LPP: variants seen among roughly 807,000 people sequenced by gnomAD.
The protein encoded by LPP is lipoma-preferred partner.
LPP carries 38 observed loss-of-function variants against 60.4 expected under a neutral mutation model. That is an observed-to-expected ratio of 0.63 (90% CI 0.49 to 0.83). The LOEUF is 0.83. Ranked by LOEUF, LPP falls within the 40% of genes least tolerant of loss-of-function variation. The probability of loss-of-function intolerance (pLI) is 0.00; values close to 1 mark genes in which losing one functional copy is unlikely to be tolerated. For synonymous variants in LPP, 328 were observed against 290.8 expected (o/e 1.13, Z -1.30); for missense variants, 902 against 783.6 (o/e 1.15, Z -1.80).
At chr3:188,652,543 C>CA (rs147103958) in intron 7 of LPP, among the ~76,000 whole-genome samples, 3,139 of 151,040 alleles carry the variant, frequency 0.021, 85 homozygotes, top group African/African-American at 0.066. Context: ...CTGTAAAATG[C>CA]AAAAAAAACC....
intron 7 of LPP, among the ~76,000 whole-genome samples, chr3:188,670,821 G>T (rs1856809509): frequency 6.6e-6 from 1 of 152,110 alleles, no homozygotes; most frequent in Non-Finnish European, 1.5e-5. Context: ...GATTCCAAAT[G>T]GTCACATCTT....
At chr3:188,670,789 C>T (rs1025058379) in intron 7 of LPP, among the ~76,000 whole-genome samples, 3 of 152,140 alleles carry the variant, frequency 2.0e-5, no homozygotes, top group Admixed American at 1.3e-4. Context: ...GGAAGGATGA[C>T]GGGAACAAAC....
intron 11 of LPP, among the ~76,000 whole-genome samples, chr3:188,873,238 G>A (rs904650613): frequency 6.6e-6 from 1 of 152,132 alleles, no homozygotes; most frequent in African/African-American, 2.4e-5. Context: ...TTTCAGTAAA[G>A]CCAAACTTCC....
At chr3:188,707,917 C>T (rs769327706) in intron 7 of LPP, among the ~76,000 whole-genome samples, 25 of 152,212 alleles carry the variant, frequency 1.6e-4, no homozygotes, top group African/African-American at 5.8e-4. Flanking sequence ...CTGTATCTCT[C>T]ACTTCACTGT....
At chr3:188,821,317 G>A (rs1448720726) in intron 9 of LPP, among the ~76,000 whole-genome samples, 1 of 148,128 alleles carries the variant, frequency 6.8e-6, no homozygotes, top group Non-Finnish European at 1.5e-5. Context: ...TACCCAGGCA[G>A]CATCCTAGAT....
intron 1 of LPP, among the ~76,000 whole-genome samples, chr3:188,168,484 TTGTAAA>T (rs1720666527): frequency 2.0e-5 from 3 of 152,186 alleles, no homozygotes; most frequent in African/African-American, 4.8e-5. Flanking sequence ...GGTTCTTCAG[TTGTAAA>T]TATAATTCCT....
intron 3 of LPP, among the ~76,000 whole-genome samples, chr3:188,404,340 G>A (rs1375773687): frequency 1.3e-5 from 2 of 152,228 alleles, no homozygotes; most frequent in East Asian, 3.9e-4. Context: ...AATCTCCCAG[G>A]CTCAAGTGAT....
rs10579787 is a variant in LPP at position 188,252,031 on chromosome 3, GATATATATATATAT to G, written c.-67+26536_-67+26549del. 8.1e-3 allele frequency among the ~76,000 whole-genome samples: 336 copies of G among 41,418 alleles called. 3 individuals are homozygous for G. The highest frequency in any genetic ancestry group is 0.038 in the South Asian group (35 of 918). The allele number at this position is 41,418 out of a possible 152,430, so 27.2% of individuals were successfully genotyped here. ...CTTTCTGGTATTTCTTTTTAATCCTGATATATATATATATATATATATATATATATATATATATA... is the reference window on the plus strand; with the variant it reads ...CTTTCTGGTATTTCTTTTTAATCCTGATATATATATATATATATATATATA... On this transcript the variant is annotated intron_variant, in intron 2 of 11. Transcript: ENST00000617246.
At chr3:188,692,169 T>G (rs1484047421) in intron 7 of LPP, among the ~76,000 whole-genome samples, 4 of 152,274 alleles carry the variant, frequency 2.6e-5, no homozygotes, top group Non-Finnish European at 5.9e-5. Context: ...TGATCCTCAT[T>G]TTCTTCAGCC....
chr3:188,406,405 A>T lies in LPP; in HGVS notation c.193+92A>T. On this transcript the variant is annotated intron_variant, in intron 4 of 11. Transcript: ENST00000617246. The stretch of plus-strand genomic sequence containing the variant: ...GTACAAAGTTGTGTCAGAAAAACGT[A>T]GTTTGTGAATTCACAGCGTGGGTGT... 3.2e-6 allele frequency: 4 copies of T among 1,234,574 alleles called. No individual in the cohort carries two copies. The South Asian group carries it at 5.7e-5, about 17-fold the overall frequency. The allele number at this position is 1,234,574 out of a possible 1,614,324, so 76.5% of individuals were successfully genotyped here. A position where few individuals can be genotyped will look rare whatever the true frequency, so the allele number is the denominator to read the frequency against.
intron 8 of LPP, among the ~76,000 whole-genome samples, chr3:188,728,069 C>T (rs1178480820): frequency 6.6e-6 from 1 of 152,042 alleles, no homozygotes; most frequent in African/African-American, 2.4e-5. Flanking sequence ...CTCAGAATCA[C>T]CTGGGGGAGC....
chr3:188,440,576 T>G (rs774629075), intron 4 of LPP, among the ~76,000 whole-genome samples: 2 of 152,174 alleles, frequency 1.3e-5, no homozygotes, highest in Non-Finnish European at 2.9e-5. Context: ...TCTTGCATGC[T>G]TGCTGACAAA....
intron 6 of LPP, among the ~76,000 whole-genome samples, chr3:188,592,557 G>GTTTTTTGTTTTTTTTTTTTTTTTT (rs1553936333): frequency 1.2e-5 from 1 of 85,756 alleles, no homozygotes; most frequent in African/African-American, 4.5e-5. Flanking sequence ...TTTTGTTTTT[G>GTTTTTTGTTTTTTTTTTTTTTTTT]TTTTTTAAAT....
intron 9 of LPP, among the ~76,000 whole-genome samples, chr3:188,819,248 C>T (rs1277199514): frequency 6.6e-6 from 1 of 152,012 alleles, no homozygotes. Flanking sequence ...CTATCGATCC[C>T]ATCATCCACA....
chr3:188,157,115 A>G (rs779970877), intron 1 of LPP, among the ~76,000 whole-genome samples: 4 of 152,192 alleles, frequency 2.6e-5, no homozygotes, highest in Non-Finnish European at 5.9e-5. Flanking sequence ...CACATCTTAT[A>G]GTTGATGGCT....
intron 9 of LPP, among the ~76,000 whole-genome samples, chr3:188,769,384 A>G (rs554238800): frequency 6.6e-6 from 1 of 152,244 alleles, no homozygotes; most frequent in African/African-American, 2.4e-5. Context: ...TGCTCATCTT[A>G]GTTACTGCTC....
chr3:188,649,853 C>T (rs1851756447), intron 7 of LPP, among the ~76,000 whole-genome samples: 1 of 152,104 alleles, frequency 6.6e-6, no homozygotes, highest in African/African-American at 2.4e-5. Flanking sequence ...TCATAATGAA[C>T]AAGGAACCAA....
chr3:188,599,157 C>A (rs1208502883), intron 6 of LPP, among the ~76,000 whole-genome samples: 2 of 151,988 alleles, frequency 1.3e-5, no homozygotes, highest in Non-Finnish European at 2.9e-5. Flanking sequence ...CATATTCATT[C>A]TAGGAAATAA....
At chr3:188,821,309 C>G (rs1285482852) in intron 9 of LPP, among the ~76,000 whole-genome samples, 2 of 147,924 alleles carry the variant, frequency 1.4e-5, no homozygotes, top group African/African-American at 2.5e-5. Flanking sequence ...AACTCTGATA[C>G]CCAGGCAGCA....
Sources: allele counts gnomAD v4.1 joint callset (sites outside exome capture counted in the v4.1 genomes callset), GRCh38; gene constraint gnomAD v4.1.1; transcripts MANE v1.5; gene names NCBI Gene and HGNC (gene_info 2026-07-23, HGNC 2026-07-21).